The following NCKAP5 variants were observed in gnomAD, a reference collection of about 807,000 sequenced individuals.
NCKAP5 encodes the protein nck-associated protein 5.
Under a neutral mutation model 167.0 loss-of-function variants are expected in NCKAP5, and 92 were observed. That is an observed-to-expected ratio of 0.55 (90% CI 0.47 to 0.66). NCKAP5 has a LOEUF of 0.66. Ranked by LOEUF, NCKAP5 falls within the 30% of genes least tolerant of loss-of-function variation. The pLI is 0.00. For synonymous variants in NCKAP5, 891 were observed against 877.4 expected (o/e 1.02, Z -0.27); for missense variants, 2,378 against 2,315.0 (o/e 1.03, Z -0.56).
At chr2:132,744,393 A>G (rs1679466930) in intron 16 of NCKAP5, among the ~76,000 whole-genome samples, 1 of 151,686 alleles carries the variant, frequency 6.6e-6, no homozygotes. Context: ...ATTTCCAAAC[A>G]TTTACAACTT....
At chr2:133,044,283 C>T (rs369217267) in intron 6 of NCKAP5, among the ~76,000 whole-genome samples, 18 of 151,956 alleles carry the variant, frequency 1.2e-4, no homozygotes, top group African/African-American at 3.6e-4. Flanking sequence ...CATCGAAAGA[C>T]GCAAATAAAA....
chr2:133,420,647 A>G (rs993629806), intron 3 of NCKAP5, among the ~76,000 whole-genome samples: 2 of 152,252 alleles, frequency 1.3e-5, no homozygotes, highest in African/African-American at 4.8e-5. Flanking sequence ...AAGGCTTTTG[A>G]AATCAGGAAA....
chr2:133,311,545 G>A (rs2150615141), intron 3 of NCKAP5, among the ~76,000 whole-genome samples: 1 of 152,222 alleles, frequency 6.6e-6, no homozygotes, highest in Middle Eastern at 3.4e-3. Flanking sequence ...TTGGTAGGTA[G>A]GGCTGAAAGT....
intron 4 of NCKAP5, among the ~76,000 whole-genome samples, chr2:133,215,728 C>T (rs2086399891): frequency 6.6e-6 from 1 of 152,114 alleles, no homozygotes; most frequent in African/African-American, 2.4e-5. Context: ...AATGTATATA[C>T]TTTATTTCCT....
At chr2:133,217,690 C>T (rs778933527) in intron 4 of NCKAP5, among the ~76,000 whole-genome samples, 1 of 151,792 alleles carries the variant, frequency 6.6e-6, no homozygotes, top group Non-Finnish European at 1.5e-5. Flanking sequence ...TACTAAGGCC[C>T]CTTAGTAGGA....
the NCKAP5 span, among the ~76,000 whole-genome samples, chr2:133,657,644 T>C: frequency 6.6e-6 from 1 of 152,212 alleles, no homozygotes. Flanking sequence ...ATGCTTTTCA[T>C]GATGACTAGC....
At chr2:133,353,413 G>A (rs559252503) in intron 3 of NCKAP5, among the ~76,000 whole-genome samples, 6 of 152,224 alleles carry the variant, frequency 3.9e-5, no homozygotes, top group South Asian at 2.1e-4. Flanking sequence ...GGCCAGAGAC[G>A]GTAACATCAG....
chr2:132,781,356 TAAGGG>T, intron 14 of NCKAP5, 127 bp from the exon 15 acceptor site: 1 of 835,256 alleles, frequency 1.2e-6, no homozygotes. Flanking sequence ...CTTTGACGGA[TAAGGG>T]TTTCTCATGG....
intron 13 of NCKAP5, among the ~76,000 whole-genome samples, chr2:132,789,526 A>G (rs953765104): frequency 2.0e-5 from 3 of 152,162 alleles, no homozygotes; most frequent in Admixed American, 6.5e-5. Flanking sequence ...ATTTATACAA[A>G]TGGTAGAAAA....
At chr2:132,957,978 C>T (rs898063700) in intron 8 of NCKAP5, among the ~76,000 whole-genome samples, 1 of 152,136 alleles carries the variant, frequency 6.6e-6, no homozygotes, top group African/African-American at 2.4e-5. Context: ...TAAAAATGGA[C>T]AATTTCTCCT....
chr2:133,429,070 C>T (rs900395616), intron 3 of NCKAP5, among the ~76,000 whole-genome samples: 10 of 152,192 alleles, frequency 6.6e-5, no homozygotes, highest in African/African-American at 1.9e-4. Flanking sequence ...CTCTGCGGGA[C>T]GGTTATAACA....
chr2:133,536,005 T>C (rs1685735693), intron 2 of NCKAP5, among the ~76,000 whole-genome samples: 2 of 152,146 alleles, frequency 1.3e-5, no homozygotes, highest in Admixed American at 6.6e-5. Flanking sequence ...TCTTGCTGAG[T>C]TGTTTGAGTT....
chr2:133,548,221 G>A (rs1012144875), intron 2 of NCKAP5, among the ~76,000 whole-genome samples: 1 of 152,022 alleles, frequency 6.6e-6, no homozygotes, highest in East Asian at 1.9e-4. Flanking sequence ...AGAAATATGG[G>A]ACTATGTGAA....
At chr2:133,635,194 TG>T in the NCKAP5 span, among the ~76,000 whole-genome samples, 4 of 152,122 alleles carry the variant, frequency 2.6e-5, no homozygotes, top group South Asian at 8.3e-4. Flanking sequence ...TTTCTAAGTC[TG>T]GCAACTGCAT....
the NCKAP5 span, among the ~76,000 whole-genome samples, chr2:133,600,932 T>A: frequency 6.6e-6 from 1 of 152,256 alleles, no homozygotes; most frequent in Non-Finnish European, 1.5e-5. Context: ...TACAGGGATG[T>A]TCTGAAACAC....
intron 16 of NCKAP5, among the ~76,000 whole-genome samples, chr2:132,759,569 G>A (rs1680828061): frequency 1.3e-5 from 2 of 152,040 alleles, no homozygotes; most frequent in East Asian, 1.9e-4. Context: ...CTCCCAAATC[G>A]ATTTCATGAC....
chr2:133,261,159 G>T (rs976731249), intron 4 of NCKAP5, among the ~76,000 whole-genome samples: 1 of 152,058 alleles, frequency 6.6e-6, no homozygotes, highest in Non-Finnish European at 1.5e-5. Flanking sequence ...CTTTTCTCTC[G>T]CATTTCTATA....
intron 19 of NCKAP5, among the ~76,000 whole-genome samples, chr2:132,712,525 A>G (rs1385369948): frequency 3.3e-5 from 5 of 151,936 alleles, no homozygotes; most frequent in East Asian, 1.9e-4. Flanking sequence ...AGAGGCGGGC[A>G]CCTGTAGTCC....
At chr2:133,470,082 G>C (rs1030147176) in intron 3 of NCKAP5, among the ~76,000 whole-genome samples, 2 of 151,894 alleles carry the variant, frequency 1.3e-5, no homozygotes, top group East Asian at 3.9e-4. Context: ...AGGAGGAGAG[G>C]TGCTCTGCTT....
Sources: gnomAD v4.1 joint callset for allele counts (sites outside exome capture counted in the v4.1 genomes callset) on GRCh38, gnomAD v4.1.1 for gene constraint, MANE v1.5 for transcripts, NCBI Gene and HGNC (gene_info 2026-07-23, HGNC 2026-07-21) for gene names.